Variants in MDGA1 observed in about 807,000 individuals in gnomAD.
MDGA1 encodes the protein MAM domain-containing glycosylphosphatidylinositol anchor protein 1.
A neutral mutation model predicts 101.5 loss-of-function variants in MDGA1; 54 were observed. The observed-to-expected ratio is 0.53, with a 90% CI of 0.43 to 0.67. The LOEUF (loss-of-function observed/expected upper bound fraction) is 0.67, where lower values mean the gene tolerates loss of function less well. Among genes scored for constraint, MDGA1 ranks in the 30% least tolerant of loss-of-function variants. MDGA1 has a pLI of 0.00. For synonymous variants in MDGA1, 533 were observed against 558.3 expected (o/e 0.95, Z 0.64); for missense variants, 1,083 against 1,323.8 (o/e 0.82, Z 2.82).
At chr6:37,656,508 G>T (rs3857568) in intron 3 of MDGA1, among the ~76,000 whole-genome samples, 89,790 of 151,380 alleles carry the variant, frequency 0.59, 27,936 homozygotes, top group East Asian at 0.85. Context: ...GAATAACTGG[G>T]ACTACAGGCA....
chr6:37,649,737 T>C (rs865835433), intron 8 of MDGA1: 1 of 463,348 alleles, frequency 2.2e-6, no homozygotes, highest in African/African-American at 2.0e-5. Flanking sequence ...TTCAATGAGT[T>C]AGTGCATTAA....
intron 2 of MDGA1, among the ~76,000 whole-genome samples, chr6:37,661,154 T>G (rs758604436): frequency 6.6e-6 from 1 of 152,178 alleles, no homozygotes; most frequent in African/African-American, 2.4e-5. Context: ...CAGCTTTAGG[T>G]AGAGTTCAAT....
intron 1 of MDGA1, among the ~76,000 whole-genome samples, chr6:37,678,179 C>A (rs941886101): frequency 6.6e-6 from 1 of 152,182 alleles, no homozygotes. Flanking sequence ...CTCCTCACCC[C>A]CTACACTTGT....
At position 37,646,314 on chromosome 6, in the gene MDGA1, A is replaced by G. The variant is rs1561842177; in HGVS notation, c.2108T>C (p.Leu703Pro). 6.3e-7 allele frequency: 1 copy of G among 1,594,602 alleles called. No homozygotes were observed. Among genetic ancestry groups the G allele is most frequent in the East Asian group, 2.3e-5 (1 of 44,142 alleles). Reference protein sequence around the residue: ...IPVRRVEKGQLLEYILTDLRV... With the variant: ...IPVRRVEKGQPLEYILTDLRV... ...GAGATCGGTCAGGATGTACTCCAGC[A>G]GCTGCCCCTTCTCCACACGCCGGAC... The change falls in exon 11 of 17, where the codon CTG (leucine) becomes CCG (proline). Residue 703 changes from leucine (L) to proline (P), a missense_variant. Physicochemically the swap from Leu to Pro is moderately conservative, Grantham distance 98. Coordinates refer to ENST00000434837, the MANE Select transcript of MDGA1 (RefSeq NM_153487.4).
intron 1 of MDGA1, among the ~76,000 whole-genome samples, chr6:37,665,652 G>A (rs1252736697): frequency 6.6e-6 from 1 of 152,170 alleles, no homozygotes; most frequent in Non-Finnish European, 1.5e-5. Context: ...GATCAGACAA[G>A]AGACTGATTT....
rs962505309 is a variant in MDGA1, at chr6:37,635,132, G to A, written c.*2236C>T. On this transcript the variant is annotated 3_prime_UTR_variant, in exon 17 of 17. Coordinates refer to ENST00000434837, the MANE Select transcript of MDGA1 (RefSeq NM_153487.4). ...AGCTTTTCAACATTTCTTGATGTCC[G>A]ACTGCGCTCCAGTCCAATTAACTCA... The A allele has an allele frequency of 1.6e-4, 36 of 223,578 alleles. No individual in the cohort carries two copies. Among genetic ancestry groups the A allele is most frequent in the Non-Finnish European group, 2.5e-4 (29 of 115,266 alleles). 13.8% of individuals were successfully genotyped at this position (223,578 alleles called of 1,614,324 possible).
At chr6:37,645,777 T>A (rs1761178714) in intron 12 of MDGA1, among the ~76,000 whole-genome samples, 156 bp downstream of exon 12, 1 of 152,172 alleles carries the variant, frequency 6.6e-6, no homozygotes, top group African/African-American at 2.4e-5. Flanking sequence ...CCAACCCTGC[T>A]TCTCCTTCTA....
chr6:37,646,158 A>G (rs756669814), intron 11 of MDGA1, 40 bp downstream of exon 11: 1 of 1,557,008 alleles, frequency 6.4e-7, no homozygotes, highest in Middle Eastern at 1.7e-4. Flanking sequence ...CCTGGCCATG[A>G]GATGGGCCCA....
intron 1 of MDGA1, among the ~76,000 whole-genome samples, chr6:37,670,544 GAATA>G (rs35269707): frequency 0.15 from 22,145 of 152,030 alleles, 2,277 homozygotes; most frequent in East Asian, 0.35. Context: ...TTGTTGTGAG[GAATA>G]AATAAAGAAA....
intron 1 of MDGA1, among the ~76,000 whole-genome samples, chr6:37,691,266 T>A (rs975960008): frequency 7.2e-5 from 11 of 152,194 alleles, no homozygotes; most frequent in African/African-American, 2.7e-4. Context: ...GGCTACTTCT[T>A]ACCAGCTGTG....
At chr6:37,658,087 G>C (rs547752709) in intron 3 of MDGA1, among the ~76,000 whole-genome samples, 158 bp downstream of exon 3, 41 of 152,302 alleles carry the variant, frequency 2.7e-4, no homozygotes, top group African/African-American at 8.7e-4. Context: ...AGATGGTAGA[G>C]GGTGGTACAC....
chr6:37,637,621 T>G (rs1763959823), intron 16 of MDGA1, among the ~76,000 whole-genome samples, 162 bp from the exon 17 acceptor site: 2 of 151,922 alleles, frequency 1.3e-5, no homozygotes. Flanking sequence ...CGCACAGACA[T>G]GAGGTGGCGT....
At position 37,697,586 on chromosome 6, in the gene MDGA1, T is replaced by C. The variant is rs1454119603; in HGVS notation, c.-775A>G. The C allele has an allele frequency of 6.6e-6, 1 of 152,050 alleles. No homozygotes were observed. The highest frequency in any genetic ancestry group is 1.9e-4 in the East Asian group (1 of 5,162). The allele number at this position is 152,050 out of a possible 1,614,324, so 9.4% of individuals were successfully genotyped here. A position where few individuals can be genotyped will look rare whatever the true frequency, so the allele number is the denominator to read the frequency against. ...GGGAAAGGAGGAAAGTTTGAGTCTT[T>C]TGAAAAATATTCGCGCTCTCGCCCA... On this transcript the variant is annotated 5_prime_UTR_variant, in exon 1 of 17. Coordinates refer to ENST00000434837, the MANE Select transcript of MDGA1 (RefSeq NM_153487.4).
At position 37,658,392 on chromosome 6, in the gene MDGA1, C is replaced by A; in HGVS notation, c.235G>T (p.Ala79Ser). Residue 79 changes from alanine to serine, a missense_variant, in exon 3 of 17, where the codon GCC (alanine) becomes TCC (serine). Transcript: ENST00000434837. ...GATGTCTCCTGGAACTTGTCCGAGG[C>A]GCTACCTGCCGTCTTGGTCCACCGT... Reference protein sequence around the residue: ...QVRWTKTAGSASDKFQETSVF... With the variant: ...QVRWTKTAGSSSDKFQETSVF... 2 of 1,610,662 alleles carry A rather than the reference C, an allele frequency of 1.2e-6. No homozygotes were observed. Among genetic ancestry groups the A allele is most frequent in the African/African-American group, 1.3e-5 (1 of 75,036 alleles).
chr6:37,635,435 G>A lies in MDGA1; in HGVS notation c.*1933C>T. 2.5e-6 allele frequency: 1 copy of A among 398,770 alleles called. No homozygotes were observed. Among genetic ancestry groups the A allele is most frequent in the Non-Finnish European group, 4.4e-6 (1 of 226,164 alleles). The allele number at this position is 398,770 out of a possible 1,614,324, so 24.7% of individuals were successfully genotyped here. ...ACAATACCCGACAGACGCGATGGAA[G>A]TGTATGCTGAGAACCTGGAGCGACT... On this transcript the variant is annotated 3_prime_UTR_variant, in exon 17 of 17. Transcript: ENST00000434837.
At chr6:37,688,707 C>G (rs1762248633) in intron 1 of MDGA1, among the ~76,000 whole-genome samples, 1 of 152,212 alleles carries the variant, frequency 6.6e-6, no homozygotes, top group Non-Finnish European at 1.5e-5. Context: ...GAAACGGAGT[C>G]CCCATAGTTC....
intron 9 of MDGA1, 138 bp downstream of exon 9, chr6:37,648,844 C>T (rs1761282031): frequency 2.9e-6 from 4 of 1,395,478 alleles, no homozygotes; most frequent in Admixed American, 3.1e-5. Context: ...TTGGAAAGGC[C>T]GGGGCTAAGC....
Position 37,649,108 on chromosome 6 carries a change from C to G in MDGA1, c.1768G>C (p.Ala590Pro). Residue 590 changes from alanine (A) to proline (P), a missense_variant, in exon 9 of 17, where the codon GCC (alanine) becomes CCC (proline). Ala to Pro is a conservative substitution (Grantham distance 27). Coordinates refer to ENST00000434837, the MANE Select transcript of MDGA1 (RefSeq NM_153487.4). Reference protein sequence around the residue: ...QLLPPPPVVPAAAEAPDHAEL... With the variant: ...QLLPPPPVVPPAAEAPDHAEL... ...GCGTGATCCGGCGCCTCGGCGGCGG[C>G]GGGAACAACAGGCGGCGGCGGCAGC... is the stretch of plus-strand genomic sequence containing the variant. The G allele has an allele frequency of 6.6e-7, 1 of 1,520,820 alleles. No homozygotes were observed. The highest frequency in any genetic ancestry group is 8.8e-7 in the Non-Finnish European group (1 of 1,137,232). 94.2% of individuals were successfully genotyped at this position (1,520,820 alleles called of 1,614,324 possible).
chr6:37,680,692 C>T (rs2114090666), intron 1 of MDGA1, among the ~76,000 whole-genome samples: 1 of 152,288 alleles, frequency 6.6e-6, no homozygotes, highest in South Asian at 2.1e-4. Flanking sequence ...TGGGGCTCTC[C>T]ACACTGCACC....
Sources: allele counts gnomAD v4.1 joint callset (sites outside exome capture counted in the v4.1 genomes callset), GRCh38; gene constraint gnomAD v4.1.1; transcripts MANE v1.5; gene names NCBI Gene and HGNC (gene_info 2026-07-23, HGNC 2026-07-21).